The following HAUS1 variants were observed in gnomAD, a reference collection of about 807,000 sequenced individuals.
The protein encoded by HAUS1 is HAUS augmin-like complex subunit 1.
A neutral mutation model predicts 38.6 loss-of-function variants in HAUS1; 25 were observed. That is an observed-to-expected ratio of 0.65 (90% CI 0.47 to 0.91). The LOEUF is 0.91. HAUS1 is among the 40% of genes least tolerant of loss of function. The pLI, the probability that HAUS1 is intolerant of heterozygous loss-of-function variation, is 0.00. For synonymous variants in HAUS1, 109 were observed against 112.9 expected (o/e 0.97, Z 0.22); for missense variants, 325 against 328.4 (o/e 0.99, Z 0.08).
intron 7 of HAUS1, 89 bp downstream of exon 7, chr18:46,124,982 A>G (rs1912060193): frequency 1.3e-6 from 1 of 742,426 alleles, no homozygotes; most frequent in Non-Finnish European, 2.3e-6. Context: ...TGTTTAGGCC[A>G]GGCACGGTGG....
chr18:46,111,538 T>C (rs1599808857), intron 2 of HAUS1, among the ~76,000 whole-genome samples: 1 of 152,040 alleles, frequency 6.6e-6, no homozygotes, highest in African/African-American at 2.4e-5. Flanking sequence ...GCCAGACTGG[T>C]TTTGAACTCC....
chr18:46,125,575 T>C (rs1192188701), intron 7 of HAUS1, among the ~76,000 whole-genome samples, 169 bp from the exon 8 acceptor site: 3 of 150,036 alleles, frequency 2.0e-5, no homozygotes, highest in African/African-American at 7.3e-5. Context: ...AAGAAAATAA[T>C]GTGTTGGTTT....
intron 2 of HAUS1, among the ~76,000 whole-genome samples, chr18:46,114,212 A>T (rs1437567430): frequency 2.0e-5 from 3 of 152,172 alleles, no homozygotes; most frequent in Admixed American, 6.5e-5. Flanking sequence ...ATCTGCTCCC[A>T]ATTTCTTTGA....
chr18:46,109,025 C>T (rs1017031265), intron 2 of HAUS1, among the ~76,000 whole-genome samples: 1 of 147,876 alleles, frequency 6.8e-6, no homozygotes, highest in Non-Finnish European at 1.5e-5. Context: ...ATGCTGAGAT[C>T]GCGCAACTGC....
rs376655256 is a variant in HAUS1 at position 46,118,206 on chromosome 18, G to T, written c.231G>T (p.Met77Ile). Residue 77 changes from methionine (M) to isoleucine (I), a missense_variant, in exon 3 of 9, where the codon ATG becomes ATT. Coordinates refer to ENST00000282058, the MANE Select transcript of HAUS1 (RefSeq NM_138443.4). ...SEAKYLQDLLMESVNFSPANL... is the reference protein window; with the variant it reads ...SEAKYLQDLLIESVNFSPANL... ...CCAAGTATCTTCAAGACCTTCTCATGGAGAGTGTGAATTTTTCCCCCGCCA... is the reference window on the plus strand; with the variant it reads ...CCAAGTATCTTCAAGACCTTCTCATTGAGAGTGTGAATTTTTCCCCCGCCA... 1.2e-6 allele frequency: 2 copies of T among 1,611,972 alleles called. No homozygotes were observed. Among genetic ancestry groups the T allele is most frequent in the Non-Finnish European group, 1.7e-6 (2 of 1,179,868 alleles).
At chr18:46,123,134 C>G (rs1330123856) in intron 5 of HAUS1, 165 bp from the exon 6 acceptor site, 1 of 550,030 alleles carries the variant, frequency 1.8e-6, no homozygotes, top group Non-Finnish European at 3.3e-6. Context: ...TGACATGAAC[C>G]CGGGAGGCGG....
At chr18:46,122,986 C>T (rs78026441) in intron 5 of HAUS1, among the ~76,000 whole-genome samples, 2 of 151,976 alleles carry the variant, frequency 1.3e-5, no homozygotes, top group African/African-American at 2.4e-5. Flanking sequence ...CCAAGGTGGG[C>T]GGATCATGAG....
intron 2 of HAUS1, among the ~76,000 whole-genome samples, chr18:46,116,176 A>G (rs1911791746): frequency 1.3e-5 from 2 of 152,118 alleles, no homozygotes; most frequent in South Asian, 4.1e-4. Flanking sequence ...AAGAAAGAAT[A>G]TGAAAAGAGA....
intron 2 of HAUS1, among the ~76,000 whole-genome samples, chr18:46,107,962 A>G (rs957837567): frequency 7.2e-5 from 11 of 152,006 alleles, no homozygotes; most frequent in Non-Finnish European, 1.3e-4. Context: ...ACCTCAGCCT[A>G]CCAAGTAGCT....
intron 8 of HAUS1, chr18:46,126,626 T>G (rs1912112882): frequency 2.3e-5 from 3 of 132,944 alleles, no homozygotes. Flanking sequence ...AAGCTATGCT[T>G]TCTTTTTTTT....
chr18:46,113,865 T>C (rs1409264112), intron 2 of HAUS1, among the ~76,000 whole-genome samples: 1 of 152,176 alleles, frequency 6.6e-6, no homozygotes, highest in African/African-American at 2.4e-5. Context: ...ATGAAGTCTG[T>C]TTATCCCCAA....
chr18:46,117,640 TC>T (rs1428370260), intron 2 of HAUS1, among the ~76,000 whole-genome samples: 1 of 150,736 alleles, frequency 6.6e-6, no homozygotes, highest in Non-Finnish European at 1.5e-5. Flanking sequence ...CCTAGCGAGA[TC>T]TAGTCTCTAT....
chr18:46,123,475 T>C, intron 6 of HAUS1, 111 bp downstream of exon 6: 1 of 756,886 alleles, frequency 1.3e-6, no homozygotes, highest in Middle Eastern at 3.0e-4. Flanking sequence ...TGATTTCTTT[T>C]CCTTTACCTT....
At chr18:46,110,621 C>T (rs902684255) in intron 2 of HAUS1, among the ~76,000 whole-genome samples, 1 of 151,926 alleles carries the variant, frequency 6.6e-6, no homozygotes, top group Admixed American at 6.6e-5. Flanking sequence ...GGATTACAGG[C>T]GTGAGTCACC....
At position 46,105,192 on chromosome 18, in the gene HAUS1, A is replaced by G; in HGVS notation, c.31-2A>G. 6.2e-7 allele frequency: 1 copy of G among 1,602,118 alleles called. No individual in the cohort carries two copies. The highest frequency in any genetic ancestry group is 2.2e-4 in the Middle Eastern group (1 of 4,614). On this transcript the variant is annotated splice_acceptor_variant, in intron 1 of 8. Transcript: ENST00000282058. LOFTEE classifies it high-confidence loss of function. Reference sequence around the variant, plus strand: ...AATATTTGTCTTTCTTTTAATGGTTAGGTTGCTGCGTGGTTAAAAAAAATA... The same window carrying G: ...AATATTTGTCTTTCTTTTAATGGTTGGGTTGCTGCGTGGTTAAAAAAAATA...
intron 2 of HAUS1, among the ~76,000 whole-genome samples, chr18:46,112,374 ATATT>A (rs1229645460): frequency 6.9e-5 from 7 of 100,838 alleles, no homozygotes; most frequent in African/African-American, 2.5e-4. Context: ...ATGTGTATAT[ATATT>A]CCATATTATA....
At chr18:46,122,437 A>G in intron 4 of HAUS1, 30 bp from the exon 5 acceptor site, 1 of 1,606,608 alleles carries the variant, frequency 6.2e-7, no homozygotes, top group Non-Finnish European at 8.5e-7. Flanking sequence ...AAGAAGAAGA[A>G]GAAAATGTTT....
At chr18:46,114,735 G>A (rs1911757577) in intron 2 of HAUS1, among the ~76,000 whole-genome samples, 1 of 152,172 alleles carries the variant, frequency 6.6e-6, no homozygotes, top group Admixed American at 6.6e-5. Context: ...AGCAAAGAAA[G>A]CCCCATGTTG....
intron 2 of HAUS1, among the ~76,000 whole-genome samples, chr18:46,115,408 G>A (rs1911772866): frequency 1.3e-5 from 2 of 149,386 alleles, no homozygotes; most frequent in South Asian, 2.1e-4. Flanking sequence ...GCAGTGAGCC[G>A]AGATTGTGCC....
Sources: gnomAD v4.1 joint callset for allele counts (sites outside exome capture counted in the v4.1 genomes callset) on GRCh38, gnomAD v4.1.1 for gene constraint, MANE v1.5 for transcripts, NCBI Gene and HGNC (gene_info 2026-07-23, HGNC 2026-07-21) for gene names.